Variants in GAS7 observed in about 807,000 individuals in gnomAD.
The protein encoded by GAS7 is growth arrest specific 7, also known as growth arrest-specific protein 7.
A neutral mutation model predicts 71.1 loss-of-function variants in GAS7; 28 were observed. The observed-to-expected ratio is 0.39, with a 90% confidence interval of 0.29 to 0.54. The LOEUF (loss-of-function observed/expected upper bound fraction) is 0.54, where lower values mean the gene tolerates loss of function less well. Among genes scored for constraint, GAS7 ranks in the 20% least tolerant of loss-of-function variants. The pLI, the probability that GAS7 is intolerant of heterozygous loss-of-function variation, is 0.62. For synonymous variants in GAS7, 258 were observed against 245.8 expected (o/e 1.05, Z -0.46); for missense variants, 436 against 627.8 (o/e 0.69, Z 3.27).
At chr17:10,124,821 G>A (rs1201423485) in intron 1 of GAS7, among the ~76,000 whole-genome samples, 3 of 152,170 alleles carry the variant, frequency 2.0e-5, no homozygotes, top group Non-Finnish European at 4.4e-5. Context: ...AGGAGGCTGA[G>A]GCAAGAGAAT....
intron 4 of GAS7, among the ~76,000 whole-genome samples, chr17:9,964,319 T>A (rs996205127): frequency 6.6e-6 from 1 of 151,924 alleles, no homozygotes; most frequent in Non-Finnish European, 1.5e-5. Context: ...CCTCCCCCCC[T>A]GCAAATAATC....
intron 1 of GAS7, among the ~76,000 whole-genome samples, chr17:10,023,023 C>T (rs142365499): frequency 5.8e-4 from 88 of 152,300 alleles, no homozygotes; most frequent in African/African-American, 2.0e-3. Context: ...GTCCCTTCTC[C>T]GCAAGGCACT....
At chr17:10,144,411 TG>T (rs772120930) in intron 1 of GAS7, among the ~76,000 whole-genome samples, 1 of 152,232 alleles carries the variant, frequency 6.6e-6, no homozygotes, top group Non-Finnish European at 1.5e-5. Flanking sequence ...GAGGCATTTT[TG>T]GGGCCCTTAA....
chr17:9,919,718 C>T lies in GAS7; in HGVS notation c.1139-13G>A. 6.3e-7 allele frequency: 1 copy of T among 1,593,192 alleles called. No homozygotes were observed. The highest frequency in any genetic ancestry group is 1.1e-5 in the South Asian group (1 of 90,690). On this transcript the variant is annotated splice_polypyrimidine_tract_variant and intron_variant, in intron 11 of 13. Coordinates refer to ENST00000432992, the MANE Select transcript of GAS7 (RefSeq NM_201433.2). This position sits in a 1 kb window ranked among gnomAD's most constrained non-coding sequence, Gnocchi z 5.0. Reference sequence around the variant, plus strand: ...ATGAGGTCGTCTCCTGGAAAAAGACCACAGTCACCATCATGAAGCATCCTA... The same window carrying T: ...ATGAGGTCGTCTCCTGGAAAAAGACTACAGTCACCATCATGAAGCATCCTA...
chr17:10,040,280 G>C (rs116646956), intron 1 of GAS7, among the ~76,000 whole-genome samples: 1 of 152,202 alleles, frequency 6.6e-6, no homozygotes, highest in Admixed American at 6.5e-5. Context: ...GAGAGAAACC[G>C]TGTGGGTAGA....
In GAS7 at chr17:10,187,379, A is replaced by G. The variant is rs187438752; in HGVS notation, c.183+10829T>C. On this transcript the variant is annotated intron_variant, in intron 1 of 13. Transcript: ENST00000432992. ...AGTAACCCATCCTGACCCATATAGC[A>G]CACACCCCCACAATGCTACCTTTTT... is the stretch of plus-strand genomic sequence containing the variant. 3.3e-5 allele frequency among the ~76,000 whole-genome samples: 5 copies of G among 152,206 alleles called. No homozygotes were observed. In the East Asian group the frequency reaches 9.6e-4, roughly 29 times the overall value.
intron 2 of GAS7, among the ~76,000 whole-genome samples, chr17:10,008,669 G>A (rs1434785741): frequency 6.6e-6 from 1 of 152,154 alleles, no homozygotes; most frequent in Non-Finnish European, 1.5e-5. Context: ...CACCAAAGCG[G>A]ATTAATAGGA....
At chr17:10,001,046 C>T (rs2071250909) in intron 2 of GAS7, among the ~76,000 whole-genome samples, 1 of 152,184 alleles carries the variant, frequency 6.6e-6, no homozygotes, top group South Asian at 2.1e-4. Context: ...TGGGCCTTTT[C>T]AGGCTCAGGT....
At chr17:10,008,383 C>T (rs1319246191) in intron 2 of GAS7, among the ~76,000 whole-genome samples, 14 of 152,198 alleles carry the variant, frequency 9.2e-5, no homozygotes, top group Admixed American at 7.9e-4. Context: ...CAGTGAGGAA[C>T]GCTCTCACAC....
chr17:9,916,072 A>G lies in GAS7; in HGVS notation c.*1156T>C, dbSNP rs1248891930. 2 of 233,160 alleles carry G rather than the reference A, an allele frequency of 8.6e-6. No homozygotes were observed. Among genetic ancestry groups the G allele is most frequent in the Non-Finnish European group, 1.7e-5 (2 of 118,090 alleles). 14.4% of individuals were successfully genotyped at this position (233,160 alleles called of 1,614,324 possible). A position where few individuals can be genotyped will look rare whatever the true frequency, so the allele number is the denominator to read the frequency against. On this transcript the variant is annotated 3_prime_UTR_variant, in exon 14 of 14. Coordinates refer to ENST00000432992, the MANE Select transcript of GAS7 (RefSeq NM_201433.2). ...GTGGCGGGACACTGCCTGAAAGGCG[A>G]CAACCTAGTGTGGCCACAAGAGAGT...
In GAS7 at chr17:9,969,772, C is replaced by T; in HGVS notation, c.386-10G>A. On this transcript the variant is annotated splice_polypyrimidine_tract_variant and intron_variant, in intron 3 of 13. Coordinates refer to ENST00000432992, the MANE Select transcript of GAS7 (RefSeq NM_201433.2). The surrounding 1 kb of genome is among the most constrained non-coding windows in gnomAD (Gnocchi z 5.5). The stretch of plus-strand genomic sequence containing the variant: ...GCGTGGTATCCATTCACTGCAGGGA[C>T]AGAGACACGGCTCAGATGCTGTGTG... The T allele has an allele frequency of 6.3e-7, 1 of 1,582,414 alleles. No homozygotes were observed.
At position 10,034,038 on chromosome 17, in the gene GAS7, T is replaced by C; in HGVS notation, c.184-14141A>G. On this transcript the variant is annotated intron_variant, in intron 1 of 13. Coordinates refer to ENST00000432992, the MANE Select transcript of GAS7 (RefSeq NM_201433.2). This position sits in a 1 kb window ranked among gnomAD's most constrained non-coding sequence, Gnocchi z 4.4. ...CCGATTCAACTAACATTTCTGGAGCTGCTGCCGCTGGCACATATAAAGTAG... is the reference window on the plus strand; with the variant it reads ...CCGATTCAACTAACATTTCTGGAGCCGCTGCCGCTGGCACATATAAAGTAG... The C allele has an allele frequency of 6.6e-6, 5 of 759,608 alleles. No homozygotes were observed. The highest frequency in any genetic ancestry group is 8.0e-6 in the Non-Finnish European group (5 of 623,596). 47.1% of individuals were successfully genotyped at this position (759,608 alleles called of 1,614,324 possible). A position where few individuals can be genotyped will look rare whatever the true frequency, so the allele number is the denominator to read the frequency against.
intron 1 of GAS7, among the ~76,000 whole-genome samples, chr17:10,125,947 C>T (rs964739513): frequency 6.6e-6 from 1 of 152,216 alleles, no homozygotes; most frequent in African/African-American, 2.4e-5. Flanking sequence ...CCAGAGAGAG[C>T]TGGACAAGGC....
At chr17:10,059,281 C>T (rs529058238) in intron 1 of GAS7, among the ~76,000 whole-genome samples, 5 of 152,244 alleles carry the variant, frequency 3.3e-5, no homozygotes, top group South Asian at 4.1e-4. Flanking sequence ...CTTGGAGCCA[C>T]GTGGCCTCTA....
intron 2 of GAS7, among the ~76,000 whole-genome samples, chr17:10,018,429 T>A (rs1457054440): frequency 6.6e-6 from 1 of 152,226 alleles, no homozygotes; most frequent in Non-Finnish European, 1.5e-5. Flanking sequence ...GATGATCTCA[T>A]GATCCTACGG....
intron 1 of GAS7, among the ~76,000 whole-genome samples, chr17:10,169,146 A>G (rs1259967388): frequency 1.3e-5 from 2 of 151,796 alleles, no homozygotes; most frequent in Non-Finnish European, 2.9e-5. Flanking sequence ...GGTGGCGCGC[A>G]CCTGTAATCC....
chr17:10,170,448 C>T (rs2074327738), intron 1 of GAS7, among the ~76,000 whole-genome samples: 1 of 152,160 alleles, frequency 6.6e-6, no homozygotes, highest in Non-Finnish European at 1.5e-5. Flanking sequence ...GGCCTCAGGG[C>T]CTTTGCACAT....
rs377076815 is a variant in GAS7 at position 9,949,081 on chromosome 17, C to T, written c.526-2098G>A. On this transcript the variant is annotated intron_variant, in intron 5 of 13. Coordinates refer to ENST00000432992, the MANE Select transcript of GAS7 (RefSeq NM_201433.2). ...AGAAACTGCAGCTGGGACAGGAGGG[C>T]GGACAGCGTCACAGAAACTGCAGCT... Among the ~76,000 whole-genome samples, 14 of 151,990 alleles carry T rather than the reference C, an allele frequency of 9.2e-5. No homozygotes were observed. In the East Asian group the frequency reaches 1.5e-3, roughly 17 times the overall value.
chr17:10,086,513 A>G (rs895514242), intron 1 of GAS7, among the ~76,000 whole-genome samples: 33 of 152,288 alleles, frequency 2.2e-4, no homozygotes, highest in African/African-American at 6.7e-4. Context: ...GGCTTCCTCA[A>G]TCGGCAGAAA....
Sources: gnomAD v4.1 joint callset for allele counts (sites outside exome capture counted in the v4.1 genomes callset) on GRCh38, gnomAD v4.1.1 for gene constraint, Gnocchi (gnomAD v3.1) non-coding constraint, MANE v1.5 for transcripts, NCBI Gene and HGNC (gene_info 2026-07-23, HGNC 2026-07-21) for gene names.